PTPRJ: variants seen among roughly 807,000 people sequenced by gnomAD.
The protein encoded by PTPRJ is protein tyrosine phosphatase receptor type J, also known as receptor-type tyrosine-protein phosphatase eta.
In PTPRJ, 129 loss-of-function variants were observed where a neutral mutation model predicts 141.3. The observed-to-expected ratio is 0.91, with a 90% CI of 0.79 to 1.06. The LOEUF (loss-of-function observed/expected upper bound fraction) is 1.06, where lower values mean the gene tolerates loss of function less well. Ranked by LOEUF, PTPRJ falls within the 50% of genes least tolerant of loss-of-function variation. The probability of loss-of-function intolerance (pLI) is 0.00; values close to 1 mark genes in which losing one functional copy is unlikely to be tolerated. For synonymous variants in PTPRJ, 610 were observed against 640.5 expected, an observed-to-expected ratio of 0.95 and a Z score of 0.72; for missense variants, 1,601 against 1,679.7, an observed-to-expected ratio of 0.95 and a Z score of 0.82.
chr11:47,985,820 C>T (rs1002848611), intron 1 of PTPRJ, among the ~76,000 whole-genome samples: 1 of 152,052 alleles, frequency 6.6e-6, no homozygotes, highest in African/African-American at 2.4e-5. Context: ...CCTGCCTCAG[C>T]CTGCTGAGTA....
At chr11:48,051,306 G>A (rs988935898) in intron 1 of PTPRJ, among the ~76,000 whole-genome samples, 1 of 152,134 alleles carries the variant, frequency 6.6e-6, no homozygotes, top group African/African-American at 2.4e-5. Context: ...TGCTGCTCAG[G>A]CTGGTGTCGA....
At position 48,121,201 on chromosome 11, in the gene PTPRJ, T is replaced by C. The variant is rs1369103310; in HGVS notation, c.551T>C (p.Phe184Ser). ...TTACGTCCAGCGACTTCATATGTAT[T>C]CTCCATCACTCCAGGAATAGGCAAT... ...TGLRPATSYVFSITPGIGNET... is the reference protein window; with the variant it reads ...TGLRPATSYVSSITPGIGNET... Residue 184 changes from phenylalanine (F) to serine (S), a missense_variant, in exon 4 of 25, where the codon TTC (phenylalanine) becomes TCC (serine). Phe to Ser is a radical substitution (Grantham distance 155). Coordinates refer to ENST00000418331, the MANE Select transcript of PTPRJ (RefSeq NM_002843.4). 3 of 1,614,102 alleles carry C rather than the reference T, an allele frequency of 1.9e-6. No individual in the cohort carries two copies. Among genetic ancestry groups the C allele is most frequent in the Non-Finnish European group, 2.5e-6 (3 of 1,179,964 alleles).
chr11:48,144,907 T>C, intron 13 of PTPRJ, 22 bp downstream of exon 13: 1 of 1,613,968 alleles, frequency 6.2e-7, no homozygotes. Context: ...TGGTTCTTAC[T>C]CTTTGGGGGC....
At chr11:48,112,609 T>TC in intron 2 of PTPRJ, 138 bp from the exon 3 acceptor site, 1 of 680,862 alleles carries the variant, frequency 1.5e-6, no homozygotes, top group Non-Finnish European at 2.5e-6. Context: ...TTGTAGGTGA[T>TC]GATACAAAGA....
intron 2 of PTPRJ, 46 bp downstream of exon 2, chr11:48,110,122 C>T: frequency 6.3e-7 from 1 of 1,574,942 alleles, no homozygotes; most frequent in South Asian, 1.1e-5. Flanking sequence ...CGCTACTGCC[C>T]CCTAATGGAC....
intron 1 of PTPRJ, among the ~76,000 whole-genome samples, chr11:48,026,997 T>C (rs1014226928): frequency 5.4e-5 from 5 of 92,732 alleles, no homozygotes; most frequent in African/African-American, 2.5e-4. Flanking sequence ...TGGAATACCC[T>C]TTTTTTTTTT....
intron 1 of PTPRJ, among the ~76,000 whole-genome samples, chr11:48,094,437 G>C (rs1159990703): frequency 6.6e-6 from 1 of 152,202 alleles, no homozygotes; most frequent in African/African-American, 2.4e-5. Context: ...GACAGGGGTT[G>C]ATGTCCGAAA....
At chr11:48,034,552 A>G (rs1854070901) in intron 1 of PTPRJ, among the ~76,000 whole-genome samples, 2 of 152,224 alleles carry the variant, frequency 1.3e-5, no homozygotes, top group Admixed American at 1.3e-4. Context: ...TCATTAGAAT[A>G]GTGCCTGGTG....
At chr11:48,147,138 T>A (rs1264133592) in intron 15 of PTPRJ, among the ~76,000 whole-genome samples, 175 bp downstream of exon 15, 4 of 152,182 alleles carry the variant, frequency 2.6e-5, no homozygotes, top group African/African-American at 9.7e-5. Context: ...AGCTGGGCGA[T>A]GTTAATGTGC....
At chr11:48,094,925 T>G (rs140190230) in intron 1 of PTPRJ, among the ~76,000 whole-genome samples, 1 of 152,252 alleles carries the variant, frequency 6.6e-6, no homozygotes, top group African/African-American at 2.4e-5. Flanking sequence ...TTCTGCCATG[T>G]GAATCTTTGC....
At position 48,127,386 on chromosome 11, in the gene PTPRJ, C is replaced by T. The variant is rs145567851; in HGVS notation, c.1094-394C>T. Among the ~76,000 whole-genome samples the T allele has an allele frequency of 6.7e-3, 1,027 of 152,322 alleles. 9 individuals are homozygous for T. The highest frequency in any genetic ancestry group is 0.024 in the South Asian group (118 of 4,824). ...TGAGCCCTGGAACCCAGGCCTGCCT[C>T]GTCCTGACTTCTGTGATCTCGGGCG... On this transcript the variant is annotated intron_variant, in intron 6 of 24. Transcript: ENST00000418331.
intron 21 of PTPRJ, 150 bp downstream of exon 21, chr11:48,156,269 C>A: frequency 2.9e-6 from 2 of 687,330 alleles, no homozygotes; most frequent in South Asian, 2.4e-5. Flanking sequence ...CTTTTTTTCC[C>A]CATAAGAGAA....
At chr11:48,037,861 A>G (rs548866469) in intron 1 of PTPRJ, among the ~76,000 whole-genome samples, 29 of 151,796 alleles carry the variant, frequency 1.9e-4, no homozygotes, top group Admixed American at 3.3e-4. Context: ...TTTCAGCCCT[A>G]TACAGGCTGA....
chr11:48,062,377 G>C (rs1235143737), intron 1 of PTPRJ, among the ~76,000 whole-genome samples: 2 of 151,814 alleles, frequency 1.3e-5, no homozygotes, highest in Non-Finnish European at 3.0e-5. Flanking sequence ...GCTGGGCGTA[G>C]TGGCGGGCGC....
chr11:48,131,872 A>G (rs1856991392), intron 8 of PTPRJ: 2 of 224,594 alleles, frequency 8.9e-6, no homozygotes, highest in Non-Finnish European at 1.7e-5. Context: ...CTAAAATGTT[A>G]TTTGGCTTTT....
At chr11:48,032,686 G>A (rs1854014238) in intron 1 of PTPRJ, among the ~76,000 whole-genome samples, 1 of 152,176 alleles carries the variant, frequency 6.6e-6, no homozygotes, top group Admixed American at 6.5e-5. Flanking sequence ...TTGAATCTGG[G>A]AGGCGGAGGT....
chr11:48,114,429 CAAAAAAAAAAAAAAAAAAAAAA>C (rs71045544), intron 3 of PTPRJ, among the ~76,000 whole-genome samples: 1 of 68,716 alleles, frequency 1.5e-5, no homozygotes. Context: ...GACTCTGTCT[CAAAAAAAAAAAAAAAAAAAAAA>C]AAAAAAAGAA....
chr11:48,162,319 A>C, intron 22 of PTPRJ, among the ~76,000 whole-genome samples: 2 of 148,506 alleles, frequency 1.3e-5, no homozygotes, highest in South Asian at 2.2e-4. Context: ...AACCCTCCTC[A>C]CTTCTCCCTC....
At chr11:48,007,814 G>T (rs1398127762) in intron 1 of PTPRJ, among the ~76,000 whole-genome samples, 1 of 152,226 alleles carries the variant, frequency 6.6e-6, no homozygotes, top group Non-Finnish European at 1.5e-5. Flanking sequence ...TATAAAACTG[G>T]GCAGGCCCAG....
Sources: allele counts gnomAD v4.1 joint callset (sites outside exome capture counted in the v4.1 genomes callset), GRCh38; gene constraint gnomAD v4.1.1; transcripts MANE v1.5; gene names NCBI Gene and HGNC (gene_info 2026-07-23, HGNC 2026-07-21).